Variants in CELF4 observed in about 807,000 individuals in gnomAD.
CELF4 encodes the protein CUGBP Elav-like family member 4.
CELF4 carries 18 observed loss-of-function variants against 59.9 expected under a neutral mutation model. That is an observed-to-expected ratio of 0.30 (90% CI 0.21 to 0.45). CELF4 has a LOEUF of 0.45. Ranked by LOEUF, CELF4 falls within the 20% of genes least tolerant of loss-of-function variation. The pLI is 1.00. For synonymous variants in CELF4, 261 were observed against 267.1 expected, an observed-to-expected ratio of 0.98 and a Z score of 0.22; for missense variants, 456 against 689.0, an observed-to-expected ratio of 0.66 and a Z score of 3.79.
intron 3 of CELF4, among the ~76,000 whole-genome samples, chr18:37,312,374 A>G (rs2096707330): frequency 6.6e-6 from 1 of 152,040 alleles, no homozygotes; most frequent in Admixed American, 6.6e-5. Context: ...AAACTTTCAA[A>G]CCACCTGCAC....
At chr18:37,451,543 ATGTG>A (rs1043165575) in intron 2 of CELF4, among the ~76,000 whole-genome samples, 2 of 151,812 alleles carry the variant, frequency 1.3e-5, no homozygotes, top group Non-Finnish European at 2.9e-5. Flanking sequence ...GTGTGTATGT[ATGTG>A]TGTGTGTGTC....
In CELF4 at chr18:37,246,903, A is replaced by C. The variant is rs2062437418; in HGVS notation, c.*45-1706T>G. On this transcript the variant is annotated intron_variant, in intron 12 of 12. Transcript: ENST00000420428. This position sits in a 1 kb window ranked among gnomAD's most constrained non-coding sequence, Gnocchi z 5.3. ...TGTGACATCTAGAGAAGCATAAAAA[A>C]ACGCTGAACAAGAAAAACCAAACAA... is the stretch of plus-strand genomic sequence containing the variant. 1 of 152,198 alleles carries C rather than the reference A, an allele frequency of 6.6e-6. No individual in the cohort carries two copies. Among genetic ancestry groups the C allele is most frequent in the South Asian group, 2.1e-4 (1 of 4,826 alleles). The allele number at this position is 152,198 out of a possible 1,614,324, so 9.4% of individuals were successfully genotyped here.
intron 12 of CELF4, among the ~76,000 whole-genome samples, chr18:37,251,942 G>A (rs2065773131): frequency 2.0e-5 from 3 of 152,146 alleles, no homozygotes; most frequent in African/African-American, 7.2e-5. Flanking sequence ...GCCAGAAATG[G>A]GCAAGGATGG....
In CELF4 at chr18:37,360,952, G is replaced by A. The variant is rs556813588; in HGVS notation, c.370-39071C>T. On this transcript the variant is annotated intron_variant, in intron 2 of 12. Transcript: ENST00000420428. Reference sequence around the variant, plus strand: ...GTCTTTGTGGGGTTGTCAGGATCAAGGAAGGCACATGTTATAAAACAAGAC... The same window carrying A: ...GTCTTTGTGGGGTTGTCAGGATCAAAGAAGGCACATGTTATAAAACAAGAC... Among the ~76,000 whole-genome samples, 145 of 152,346 alleles carry A rather than the reference G, an allele frequency of 9.5e-4. 1 individual carries two copies. In the South Asian group the frequency reaches 0.028, roughly 29 times the overall value.
intron 1 of CELF4, among the ~76,000 whole-genome samples, chr18:37,490,600 G>A (rs1227030976): frequency 1.3e-5 from 2 of 152,088 alleles, no homozygotes; most frequent in South Asian, 2.1e-4. Flanking sequence ...TGGCTGCTGC[G>A]GTGCTGGGAG....
chr18:37,501,718 G>A (rs1156732153), intron 1 of CELF4, among the ~76,000 whole-genome samples: 1 of 152,238 alleles, frequency 6.6e-6, no homozygotes, highest in Non-Finnish European at 1.5e-5. Flanking sequence ...GTGGAGGTAG[G>A]TAGGAAGAAG....
intron 2 of CELF4, among the ~76,000 whole-genome samples, chr18:37,427,339 C>G (rs1191222541): frequency 6.6e-6 from 1 of 152,168 alleles, no homozygotes; most frequent in East Asian, 1.9e-4. Flanking sequence ...GGGGCCCCCT[C>G]CCAATGGACT....
chr18:37,482,940 G>T (rs56245608), intron 2 of CELF4, among the ~76,000 whole-genome samples: 1 of 152,150 alleles, frequency 6.6e-6, no homozygotes, highest in East Asian at 1.9e-4. Context: ...AAATTGCTGA[G>T]GTTACCAGTT....
At chr18:37,345,611 T>G (rs983136712) in intron 2 of CELF4, among the ~76,000 whole-genome samples, 2 of 151,880 alleles carry the variant, frequency 1.3e-5, no homozygotes, top group Non-Finnish European at 1.5e-5. Context: ...AGTGGCAGCC[T>G]GGGGAATTCA....
chr18:37,262,406 G>T (rs866709430), intron 10 of CELF4, among the ~76,000 whole-genome samples: 12 of 149,988 alleles, frequency 8.0e-5, no homozygotes, highest in Non-Finnish European at 1.5e-4. Flanking sequence ...GGGTGGGGGA[G>T]GGGGGGGCAG....
intron 3 of CELF4, among the ~76,000 whole-genome samples, chr18:37,294,105 G>A (rs868641831): frequency 6.6e-6 from 1 of 152,170 alleles, no homozygotes; most frequent in Non-Finnish European, 1.5e-5. Context: ...TTGAATATCT[G>A]TACTTCCACT....
intron 2 of CELF4, among the ~76,000 whole-genome samples, chr18:37,386,208 G>A (rs1287347392): frequency 2.0e-5 from 3 of 152,160 alleles, no homozygotes; most frequent in Non-Finnish European, 4.4e-5. Flanking sequence ...ACCTGCAGAT[G>A]TACAAAGAGG....
chr18:37,385,564 C>T (rs2099090338), intron 2 of CELF4, among the ~76,000 whole-genome samples: 1 of 152,106 alleles, frequency 6.6e-6, no homozygotes, highest in African/African-American at 2.4e-5. Flanking sequence ...GAGCCAATGT[C>T]TCCCCTCCCC....
At chr18:37,312,548 A>C (rs1029150615) in intron 3 of CELF4, among the ~76,000 whole-genome samples, 8 of 152,230 alleles carry the variant, frequency 5.3e-5, no homozygotes, top group African/African-American at 1.9e-4. Context: ...GTTGGTGTTC[A>C]AGGGAAAACA....
chr18:37,493,959 C>G (rs1263563815), intron 1 of CELF4, among the ~76,000 whole-genome samples: 1 of 152,148 alleles, frequency 6.6e-6, no homozygotes, highest in African/African-American at 2.4e-5. Flanking sequence ...CCCTTTGTAC[C>G]CACAAGACAG....
rs754000671 is a variant in CELF4, at chr18:37,527,028, T to A, written c.286+38328A>T. 3.3e-5 allele frequency among the ~76,000 whole-genome samples: 5 copies of A among 152,212 alleles called. 1 individual carries two copies. In the South Asian group the frequency reaches 8.3e-4, roughly 25 times the overall value. ...CTGTAACAAACCGTGGCTAATGCCATTTATTTACGTAAGCCCCAAATAACA... is the reference window on the plus strand; with the variant it reads ...CTGTAACAAACCGTGGCTAATGCCAATTATTTACGTAAGCCCCAAATAACA... On this transcript the variant is annotated intron_variant, in intron 1 of 12. Transcript: ENST00000420428.
intron 2 of CELF4, among the ~76,000 whole-genome samples, chr18:37,410,851 T>A (rs1217614465): frequency 6.6e-6 from 1 of 152,130 alleles, no homozygotes; most frequent in Non-Finnish European, 1.5e-5. Context: ...AGGCCTGAAG[T>A]GGAAATGAAT....
At chr18:37,346,053 C>T (rs1052541947) in intron 2 of CELF4, among the ~76,000 whole-genome samples, 4 of 152,146 alleles carry the variant, frequency 2.6e-5, no homozygotes, top group East Asian at 1.9e-4. Context: ...TGGGGAGAAC[C>T]GTGCTGTGCC....
At chr18:37,258,527 A>T (rs1242983660) in intron 11 of CELF4, among the ~76,000 whole-genome samples, 1 of 152,152 alleles carries the variant, frequency 6.6e-6, no homozygotes, top group Non-Finnish European at 1.5e-5. Context: ...GAGGGCAGGG[A>T]CCAGTCTCCT....
Sources: allele counts gnomAD v4.1 joint callset (sites outside exome capture counted in the v4.1 genomes callset), GRCh38; gene constraint gnomAD v4.1.1; non-coding constraint Gnocchi (gnomAD v3.1); transcripts MANE v1.5; gene names NCBI Gene and HGNC (gene_info 2026-07-23, HGNC 2026-07-21).